The following CLEC16A variants were observed in gnomAD, a reference collection of about 807,000 sequenced individuals.
CLEC16A encodes C-type lectin domain containing 16A.
Under a neutral mutation model 109.5 loss-of-function variants are expected in CLEC16A, and 51 were observed. The observed-to-expected ratio is 0.47, with a 90% confidence interval of 0.37 to 0.59. CLEC16A has a LOEUF of 0.59. Among genes scored for constraint, CLEC16A ranks in the 20% least tolerant of loss-of-function variants. CLEC16A has a pLI of 0.00. For missense variants in CLEC16A, 1,339 were observed against 1,394.0 expected, an observed-to-expected ratio of 0.96 and a Z score of 0.63; for synonymous variants, 673 against 564.2, an observed-to-expected ratio of 1.19 and a Z score of -2.73.
chr16:10,969,375 A>G (rs1297660335), intron 4 of CLEC16A, 66 bp downstream of exon 4: 1 of 818,252 alleles, frequency 1.2e-6, no homozygotes. Context: ...TTTTTTTTTT[A>G]CGGCAGCGCC....
At chr16:11,071,868 C>T (rs2049093890) in intron 19 of CLEC16A, among the ~76,000 whole-genome samples, 1 of 149,384 alleles carries the variant, frequency 6.7e-6, no homozygotes, top group Non-Finnish European at 1.5e-5. Flanking sequence ...GCTGGGACTA[C>T]AGGCAGAACC....
intron 7 of CLEC16A, among the ~76,000 whole-genome samples, chr16:10,976,446 G>C (rs1434770137): frequency 6.6e-6 from 1 of 151,772 alleles, no homozygotes; most frequent in Non-Finnish European, 1.5e-5. Context: ...AGAAAAAACA[G>C]ACATTAGGGT....
At chr16:11,115,665 G>A (rs917500214) in intron 19 of CLEC16A, among the ~76,000 whole-genome samples, 4 of 152,076 alleles carry the variant, frequency 2.6e-5, no homozygotes, top group African/African-American at 7.2e-5. Context: ...GAGCCACCAC[G>A]CCCGGCCTGT....
At chr16:11,074,204 A>T (rs2049225619) in intron 19 of CLEC16A, among the ~76,000 whole-genome samples, 1 of 152,212 alleles carries the variant, frequency 6.6e-6, no homozygotes, top group Non-Finnish European at 1.5e-5. Context: ...AGGCACCCTG[A>T]ACTTGACAGA....
chr16:11,018,617 C>A (rs569266349), intron 11 of CLEC16A, among the ~76,000 whole-genome samples: 2 of 151,878 alleles, frequency 1.3e-5, no homozygotes, highest in Non-Finnish European at 2.9e-5. Flanking sequence ...GGTGTGGTGG[C>A]GGGTGCCTGT....
At chr16:11,058,488 GAA>G (rs2048323241) in intron 18 of CLEC16A, among the ~76,000 whole-genome samples, 1 of 151,400 alleles carries the variant, frequency 6.6e-6, no homozygotes, top group Non-Finnish European at 1.5e-5. Flanking sequence ...GAATAATAAG[GAA>G]AAAAGTCTGT....
intron 22 of CLEC16A, 25 bp from the exon 23 acceptor site, chr16:11,166,362 TG>T: frequency 1.3e-6 from 2 of 1,576,040 alleles, no homozygotes; most frequent in South Asian, 2.3e-5. Context: ...TGCTTCCACT[TG>T]GTCACCTGGT....
intron 19 of CLEC16A, among the ~76,000 whole-genome samples, chr16:11,075,412 C>CTGTG (rs375261875): frequency 0.011 from 1,377 of 120,576 alleles, 12 homozygotes; most frequent in Middle Eastern, 0.032. Context: ...GTGTGTGTGT[C>CTGTG]TGTGTGTGTG....
intron 22 of CLEC16A, among the ~76,000 whole-genome samples, chr16:11,148,599 C>G (rs2054165097): frequency 6.6e-6 from 1 of 152,216 alleles, no homozygotes; most frequent in Non-Finnish European, 1.5e-5. Context: ...AGCATCAGGG[C>G]TGTGGCTTGA....
At chr16:11,141,054 G>C (rs1307923424) in intron 22 of CLEC16A, among the ~76,000 whole-genome samples, 3 of 152,260 alleles carry the variant, frequency 2.0e-5, no homozygotes, top group African/African-American at 7.2e-5. Flanking sequence ...GGATAGAGCT[G>C]CCTGCCCAAG....
intron 20 of CLEC16A, 24 bp from the exon 21 acceptor site, chr16:11,123,718 T>C: frequency 6.2e-7 from 1 of 1,613,242 alleles, no homozygotes; most frequent in Non-Finnish European, 8.5e-7. Flanking sequence ...ACGAATGCCT[T>C]TTCCTTTGCT....
intron 3 of CLEC16A, among the ~76,000 whole-genome samples, chr16:10,964,356 A>G (rs1314436657): frequency 1.3e-5 from 2 of 152,226 alleles, no homozygotes; most frequent in African/African-American, 4.8e-5. Flanking sequence ...TGAGGGGAAG[A>G]TCCAGCTCAG....
intron 10 of CLEC16A, among the ~76,000 whole-genome samples, chr16:10,989,279 G>T (rs1006042108): frequency 6.6e-6 from 1 of 152,104 alleles, no homozygotes; most frequent in African/African-American, 2.4e-5. Flanking sequence ...GGAGAGCAGT[G>T]GTGTGATCCT....
chr16:10,956,053 A>G (rs8052010), intron 1 of CLEC16A, among the ~76,000 whole-genome samples: 2,854 of 152,338 alleles, frequency 0.019, 79 homozygotes, highest in African/African-American at 0.064. Flanking sequence ...GGGTCCTCCA[A>G]TGATTCATCC....
intron 22 of CLEC16A, among the ~76,000 whole-genome samples, chr16:11,128,977 C>T (rs1051476140): frequency 5.3e-5 from 8 of 152,164 alleles, no homozygotes; most frequent in Admixed American, 3.9e-4. Flanking sequence ...TTTCCTGTTG[C>T]ACTTAGAACA....
chr16:11,009,268 T>G (rs2045248477), intron 11 of CLEC16A, among the ~76,000 whole-genome samples: 1 of 152,236 alleles, frequency 6.6e-6, no homozygotes, highest in Non-Finnish European at 1.5e-5. Flanking sequence ...GGGGATTTCC[T>G]TCTCTTTCTT....
At chr16:10,985,028 C>T (rs941691023) in intron 10 of CLEC16A, among the ~76,000 whole-genome samples, 3 of 151,650 alleles carry the variant, frequency 2.0e-5, no homozygotes, top group African/African-American at 7.3e-5. Flanking sequence ...GGTGAAACCC[C>T]GTCTCTACTA....
intron 22 of CLEC16A, among the ~76,000 whole-genome samples, chr16:11,142,735 TG>T (rs1307969987): frequency 2.6e-5 from 4 of 152,244 alleles, no homozygotes; most frequent in African/African-American, 7.2e-5. Flanking sequence ...TTTAGCTTAT[TG>T]TCTTCATGGA....
At chr16:11,003,356 C>T (rs1221615149) in intron 11 of CLEC16A, 51 bp downstream of exon 11, 2 of 1,495,236 alleles carry the variant, frequency 1.3e-6, no homozygotes, top group Non-Finnish European at 9.2e-7. Flanking sequence ...AGCCAGCCCG[C>T]CAGCGAGGCT....
Sources: allele counts gnomAD v4.1 joint callset (sites outside exome capture counted in the v4.1 genomes callset), GRCh38; gene constraint gnomAD v4.1.1; transcripts MANE v1.5; gene names NCBI Gene and HGNC (gene_info 2026-07-23, HGNC 2026-07-21).